CALN1: variants seen among roughly 807,000 people sequenced by gnomAD.
CALN1 encodes calneuron 1.
Under a neutral mutation model 30.6 loss-of-function variants are expected in CALN1, and 17 were observed. That is an observed-to-expected ratio of 0.56 (90% CI 0.38 to 0.83). The LOEUF is 0.83. Ranked by LOEUF, CALN1 falls within the 40% of genes least tolerant of loss-of-function variation. The pLI is 0.00. For synonymous variants in CALN1, 156 were observed against 131.4 expected, an observed-to-expected ratio of 1.19 and a Z score of -1.28; for missense variants, 291 against 354.9, an observed-to-expected ratio of 0.82 and a Z score of 1.45.
intron 2 of CALN1, among the ~76,000 whole-genome samples, chr7:72,328,207 G>C (rs900216680): frequency 2.0e-5 from 3 of 152,102 alleles, no homozygotes; most frequent in African/African-American, 7.2e-5. Context: ...ATGTAATACA[G>C]TTTGGCTGTG....
chr7:72,449,591 G>A (rs1309770482), upstream of CALN1, among the ~76,000 whole-genome samples: 1 of 152,186 alleles, frequency 6.6e-6, no homozygotes, highest in African/African-American at 2.4e-5. Flanking sequence ...TCTGCCGTCA[G>A]GCTGGGCGCG....
intron 3 of CALN1, among the ~76,000 whole-genome samples, chr7:72,163,392 T>TAA (rs55881217): frequency 1.3e-5 from 1 of 79,304 alleles, no homozygotes; most frequent in Non-Finnish European, 2.2e-5. Context: ...TATTGGAGAT[T>TAA]AAAAAAAAAA....
chr7:72,398,837 G>A (rs10227076), intron 2 of CALN1, among the ~76,000 whole-genome samples: 82,008 of 152,034 alleles, frequency 0.54, 22,800 homozygotes, highest in East Asian at 0.72. Context: ...TCTATAAACA[G>A]AAACAAAAAA....
chr7:71,947,914 G>A lies in CALN1; in HGVS notation c.501+75743C>T, dbSNP rs140529253. Among the ~76,000 whole-genome samples the A allele has an allele frequency of 1.4e-3, 191 of 141,350 alleles. 2 individuals carry two copies. Among genetic ancestry groups the A allele is most frequent in the African/African-American group, 4.0e-3 (148 of 37,158 alleles). 92.7% of individuals were successfully genotyped at this position (141,350 alleles called of 152,430 possible). A position where few individuals can be genotyped will look rare whatever the true frequency, so the allele number is the denominator to read the frequency against. ...AGTTGCACTGCACTCCAGCCTGGGCGACAGAGCAAGACTCCGTCTCAAAAA... is the reference window on the plus strand; with the variant it reads ...AGTTGCACTGCACTCCAGCCTGGGCAACAGAGCAAGACTCCGTCTCAAAAA... On this transcript the variant is annotated intron_variant, in intron 5 of 6. Coordinates refer to ENST00000395275, the MANE Select transcript of CALN1 (RefSeq NM_031468.4).
chr7:72,432,567 T>A (rs928801147), intron 1 of CALN1, among the ~76,000 whole-genome samples: 6 of 152,184 alleles, frequency 3.9e-5, no homozygotes, highest in South Asian at 4.1e-4. Context: ...GAATTTTGTC[T>A]CCTAACCTCA....
At chr7:72,461,636 T>C in the CALN1 span, among the ~76,000 whole-genome samples, 7 of 152,170 alleles carry the variant, frequency 4.6e-5, no homozygotes, top group African/African-American at 1.7e-4. Flanking sequence ...ATGTGAATAA[T>C]GGACCCTGGG....
intron 6 of CALN1, among the ~76,000 whole-genome samples, chr7:71,789,429 A>G (rs1443472719): frequency 1.4e-4 from 21 of 152,044 alleles, no homozygotes. Context: ...AAAAACATGC[A>G]GATTCTTGTC....
intron 3 of CALN1, among the ~76,000 whole-genome samples, chr7:72,216,458 G>A (rs375187510): frequency 1.2e-4 from 18 of 152,040 alleles, no homozygotes; most frequent in African/African-American, 4.1e-4. Flanking sequence ...ATCTTTCATA[G>A]GTCTGGGGAT....
intron 5 of CALN1, among the ~76,000 whole-genome samples, chr7:71,902,520 T>G (rs1422220487): frequency 6.6e-6 from 1 of 152,156 alleles, no homozygotes; most frequent in Admixed American, 6.5e-5. Context: ...TAAAGTCAAC[T>G]GAGCTTTGAC....
At chr7:72,385,408 T>C (rs1416381818) in intron 2 of CALN1, among the ~76,000 whole-genome samples, 3 of 152,118 alleles carry the variant, frequency 2.0e-5, no homozygotes, top group Admixed American at 1.3e-4. Context: ...AGGTGTCCTT[T>C]AATAAGTGAA....
rs376582664 is a variant in CALN1, at chr7:71,805,119, C to T, written c.658+5217G>A. On this transcript the variant is annotated intron_variant, in intron 6 of 6. Coordinates refer to ENST00000395275, the MANE Select transcript of CALN1 (RefSeq NM_031468.4). ...TCCCACCTCCAGCTCTCCTGAGCTC[C>T]CAGCCCTCTGATGTGGGATTCTTTA... 3.3e-5 allele frequency among the ~76,000 whole-genome samples: 5 copies of T among 152,278 alleles called. No individual in the cohort carries two copies. The East Asian group carries it at 7.7e-4, about 24-fold the overall frequency.
chr7:71,824,830 A>C (rs1416493217), intron 5 of CALN1, among the ~76,000 whole-genome samples: 2 of 152,126 alleles, frequency 1.3e-5, no homozygotes, highest in Admixed American at 6.6e-5. Context: ...CAGGGAGCAG[A>C]ATTGGTTGCA....
At chr7:72,212,333 G>A (rs371172042) in intron 3 of CALN1, among the ~76,000 whole-genome samples, 19 of 124,652 alleles carry the variant, frequency 1.5e-4, no homozygotes, top group East Asian at 5.2e-4. Context: ...CTGGGCAACA[G>A]AGCAACACAC....
chr7:71,935,435 A>G (rs1795776170), intron 5 of CALN1, among the ~76,000 whole-genome samples: 3 of 152,204 alleles, frequency 2.0e-5, no homozygotes, highest in Admixed American at 2.0e-4. Context: ...GATTCATTAA[A>G]AGGCATCCCT....
chr7:72,086,542 T>C (rs542571453), intron 4 of CALN1, among the ~76,000 whole-genome samples: 2 of 151,804 alleles, frequency 1.3e-5, no homozygotes, highest in East Asian at 3.9e-4. Flanking sequence ...CAAGCGATTC[T>C]CCCACCTCTG....
chr7:72,394,096 A>G (rs1805760483), intron 2 of CALN1, among the ~76,000 whole-genome samples: 4 of 152,192 alleles, frequency 2.6e-5, no homozygotes, highest in Admixed American at 2.6e-4. Context: ...ATCATTGGTA[A>G]TATGTATGGT....
the CALN1 span, among the ~76,000 whole-genome samples, chr7:72,501,088 A>AGATATAAAGC: frequency 6.6e-6 from 1 of 152,096 alleles, no homozygotes; most frequent in African/African-American, 2.4e-5. Context: ...CTCTTCCCAT[A>AGATATAAAGC]TCTTCCAAGA....
At chr7:72,312,570 G>A (rs1342473436) in intron 2 of CALN1, among the ~76,000 whole-genome samples, 1 of 151,994 alleles carries the variant, frequency 6.6e-6, no homozygotes, top group Admixed American at 6.6e-5. Flanking sequence ...AGAGATCCTC[G>A]TGCTAGGAGA....
chr7:71,897,862 T>C (rs1793608719), intron 5 of CALN1, among the ~76,000 whole-genome samples: 1 of 147,120 alleles, frequency 6.8e-6, no homozygotes, highest in Middle Eastern at 3.6e-3. Context: ...ATTGAGGCTA[T>C]CAGACACAGA....
Sources: gnomAD v4.1 joint callset for allele counts (sites outside exome capture counted in the v4.1 genomes callset) on GRCh38, gnomAD v4.1.1 for gene constraint, MANE v1.5 for transcripts, NCBI Gene and HGNC (gene_info 2026-07-23, HGNC 2026-07-21) for gene names.